SCAI: variants seen among roughly 807,000 people sequenced by gnomAD.
The protein encoded by SCAI is suppressor of cancer cell invasion, also known as protein SCAI.
Under a neutral mutation model 92.2 loss-of-function variants are expected in SCAI, and 24 were observed. The ratio of observed to expected loss-of-function variants is 0.26; its 90% CI spans 0.19 to 0.37. SCAI has a LOEUF of 0.37. Ranked by LOEUF, SCAI falls within the 10% of genes least tolerant of loss-of-function variation. The probability of loss-of-function intolerance (pLI) is 1.00; values close to 1 mark genes in which losing one functional copy is unlikely to be tolerated. For synonymous variants in SCAI, 261 were observed against 258.6 expected (o/e 1.01, Z -0.09); for missense variants, 450 against 736.2 (o/e 0.61, Z 4.50).
chr9:125,045,768 C>G (rs1174440780), intron 3 of SCAI, among the ~76,000 whole-genome samples: 1 of 152,066 alleles, frequency 6.6e-6, no homozygotes, highest in African/African-American at 2.4e-5. Context: ...CTTTAACTGG[C>G]AAAGCTTTGT....
chr9:125,042,861 T>TTG (rs1454405855), intron 3 of SCAI, among the ~76,000 whole-genome samples: 15 of 77,702 alleles, frequency 1.9e-4, no homozygotes, highest in East Asian at 1.5e-3. Flanking sequence ...TCCCTGGCTT[T>TTG]TTTTTTTTTT....
chr9:125,092,298 A>T lies in SCAI; in HGVS notation c.99-36291T>A, dbSNP rs137972487. Reference sequence around the variant, plus strand: ...CATGGTGAAACACCGTCTCTACTAAAAAATAAATAAATAAATAAATATTAG... The same window carrying T: ...CATGGTGAAACACCGTCTCTACTAATAAATAAATAAATAAATAAATATTAG... On this transcript the variant is annotated intron_variant, in intron 2 of 17. Coordinates refer to ENST00000336505, the MANE Select transcript of SCAI (RefSeq NM_001144877.3). 8.1e-3 allele frequency among the ~76,000 whole-genome samples: 1,224 copies of T among 151,910 alleles called. 20 individuals are homozygous for T. Among genetic ancestry groups the T allele is most frequent in the African/African-American group, 0.028 (1,146 of 41,420 alleles).
intron 13 of SCAI, among the ~76,000 whole-genome samples, chr9:124,995,670 T>C (rs1832224289): frequency 1.3e-5 from 2 of 152,072 alleles, no homozygotes; most frequent in Non-Finnish European, 2.9e-5. Flanking sequence ...TTTCTCTTTT[T>C]AGTAGAGATG....
At chr9:125,033,157 G>A (rs1215520644) in intron 3 of SCAI, among the ~76,000 whole-genome samples, 1 of 151,668 alleles carries the variant, frequency 6.6e-6, no homozygotes, top group Non-Finnish European at 1.5e-5. Flanking sequence ...TGAGACCAGG[G>A]GTTTAAGTTC....
At position 125,130,936 on chromosome 9, in the gene SCAI, C is replaced by CTTT. The variant is rs545651994; in HGVS notation, c.98+11694_98+11696dup. Among the ~76,000 whole-genome samples, 84 of 77,292 alleles carry CTTT rather than the reference C, an allele frequency of 1.1e-3. 14 individuals carry two copies. The highest frequency in any genetic ancestry group is 3.3e-3 in the African/African-American group (67 of 20,004). 50.7% of individuals were successfully genotyped at this position (77,292 alleles called of 152,430 possible). On this transcript the variant is annotated intron_variant, in intron 2 of 17. Coordinates refer to ENST00000336505, the MANE Select transcript of SCAI (RefSeq NM_001144877.3). ...CTTATCTGGATCTTGGTTTGAACCG[C>CTTT]TTTTTTTTTTTTTTTTTTTTTTTTT...
At chr9:124,975,237 C>T in intron 15 of SCAI, 1 of 416,326 alleles carries the variant, frequency 2.4e-6, no homozygotes, top group Middle Eastern at 3.5e-4. Context: ...TGTTAAACAG[C>T]AGAACTTACC....
chr9:125,099,340 T>C (rs1483950137), intron 2 of SCAI, among the ~76,000 whole-genome samples: 2 of 152,028 alleles, frequency 1.3e-5, no homozygotes, highest in East Asian at 1.9e-4. Context: ...CAGGCTGGAA[T>C]GCAGCAGTGC....
At chr9:125,051,676 A>G (rs1312628890) in intron 3 of SCAI, among the ~76,000 whole-genome samples, 2 of 152,270 alleles carry the variant, frequency 1.3e-5, no homozygotes, top group Non-Finnish European at 2.9e-5. Flanking sequence ...AATGTTTAAA[A>G]AGAAAAAATG....
At chr9:125,004,754 TATATATATATATATATATATA>T (rs1477012099) in intron 9 of SCAI, among the ~76,000 whole-genome samples, 75 of 10,934 alleles carry the variant, frequency 6.9e-3, no homozygotes, top group East Asian at 0.022. Flanking sequence ...TATATATATA[TATATATATATATATATATATA>T]TATATTTTTT....
At chr9:125,026,984 A>C in intron 5 of SCAI, 74 bp from the exon 6 acceptor site, 4 of 801,882 alleles carry the variant, frequency 5.0e-6, no homozygotes, top group Non-Finnish European at 5.9e-6. Context: ...TGTTCTATAT[A>C]CCGCTGTATT....
At chr9:124,990,128 C>T (rs944085284) in intron 14 of SCAI, among the ~76,000 whole-genome samples, 2 of 151,922 alleles carry the variant, frequency 1.3e-5, no homozygotes, top group African/African-American at 2.4e-5. Context: ...GAGCCAAGAT[C>T]ACGCCATTGC....
chr9:124,976,180 T>C lies in SCAI; in HGVS notation c.1333A>G (p.Thr445Ala). ...ACTAGTGGCTGTCCAAACAAGTTTGTGAAATTCTGTAATATATAAGAATTT... is the reference window on the plus strand; with the variant it reads ...ACTAGTGGCTGTCCAAACAAGTTTGCGAAATTCTGTAATATATAAGAATTT... ...SSNSVAYKNF[T>A]NLFGQPLVCL... Residue 445 changes from threonine to alanine, a missense_variant, in exon 15 of 18, where the codon ACA becomes GCA. Transcript: ENST00000336505. 1 of 1,602,364 alleles carries C rather than the reference T, an allele frequency of 6.2e-7. No individual in the cohort carries two copies. Among genetic ancestry groups the C allele is most frequent in the South Asian group, 1.1e-5 (1 of 90,804 alleles).
At chr9:125,075,844 C>T (rs151210190) in intron 2 of SCAI, among the ~76,000 whole-genome samples, 110 of 151,822 alleles carry the variant, frequency 7.2e-4, no homozygotes, top group African/African-American at 2.4e-3. Context: ...GGATTATAGG[C>T]GTGAGCCACC....
chr9:125,055,735 C>CA (rs2131136549), intron 3 of SCAI, 141 bp downstream of exon 3: 1 of 515,102 alleles, frequency 1.9e-6, no homozygotes, highest in East Asian at 3.4e-5. Context: ...AAAATGATGT[C>CA]AAAGAAAAAA....
chr9:125,108,075 C>T (rs1466356680), intron 2 of SCAI, among the ~76,000 whole-genome samples: 1 of 152,272 alleles, frequency 6.6e-6, no homozygotes, highest in East Asian at 1.9e-4. Context: ...CGCGAGTGAT[C>T]TGCCAGCCTG....
intron 2 of SCAI, among the ~76,000 whole-genome samples, chr9:125,093,998 G>T (rs936596397): frequency 1.3e-5 from 2 of 151,400 alleles, no homozygotes; most frequent in South Asian, 4.2e-4. Flanking sequence ...AAACTTAATT[G>T]CAACTATTCA....
intron 14 of SCAI, among the ~76,000 whole-genome samples, chr9:124,991,631 G>C (rs1054280309): frequency 1.3e-5 from 2 of 151,958 alleles, no homozygotes; most frequent in Non-Finnish European, 2.9e-5. Flanking sequence ...GAGGTCAGGA[G>C]TTCAAGACCA....
In SCAI at chr9:125,020,934, A is replaced by G. The variant is rs1832858975; in HGVS notation, c.513-165T>C. ...TTTTTAAAATATTTCTTACTGATTT[A>G]TTAAGCTGTTTACTCATATATTCAT... On this transcript the variant is annotated intron_variant, in intron 6 of 17. Coordinates refer to ENST00000336505, the MANE Select transcript of SCAI (RefSeq NM_001144877.3). Among the ~76,000 whole-genome samples, 4 of 152,324 alleles carry G rather than the reference A, an allele frequency of 2.6e-5. No homozygotes were observed. The South Asian group carries it at 8.3e-4, about 32-fold the overall frequency.
chr9:125,009,832 G>C lies in SCAI; in HGVS notation c.862-6262C>G, dbSNP rs938138330. Among the ~76,000 whole-genome samples the C allele has an allele frequency of 2.6e-5, 4 of 152,130 alleles. No homozygotes were observed. The South Asian group carries it at 8.3e-4, about 32-fold the overall frequency. ...CACTAGAACCCAGGAGCCAGAGGTG[G>C]CAGTGAGTCAAGATCACACCACTGT... On this transcript the variant is annotated intron_variant, in intron 9 of 17. Transcript: ENST00000336505.
Sources: allele counts gnomAD v4.1 joint callset (sites outside exome capture counted in the v4.1 genomes callset), GRCh38; gene constraint gnomAD v4.1.1; transcripts MANE v1.5; gene names NCBI Gene and HGNC (gene_info 2026-07-23, HGNC 2026-07-21).